NFYC: variants seen among roughly 807,000 people sequenced by gnomAD.
NFYC encodes CAAT box DNA-binding protein subunit C.
A neutral mutation model predicts 53.1 loss-of-function variants in NFYC; 25 were observed. That is an observed-to-expected ratio of 0.47 (90% CI 0.34 to 0.66). The LOEUF is 0.66. Among genes scored for constraint, NFYC ranks in the 30% least tolerant of loss-of-function variants. NFYC has a pLI of 0.01. For synonymous variants in NFYC, 145 were observed against 152.6 expected, an observed-to-expected ratio of 0.95 and a Z score of 0.37; for missense variants, 260 against 422.7, an observed-to-expected ratio of 0.62 and a Z score of 3.38.
At chr1:40,694,473 A>G (rs1643013864) in intron 1 of NFYC, among the ~76,000 whole-genome samples, 1 of 152,230 alleles carries the variant, frequency 6.6e-6, no homozygotes, top group Admixed American at 6.5e-5. Context: ...TGTGGAAGAT[A>G]GAGGCAAAGC....
At chr1:40,715,855 A>C (rs534549400) in intron 1 of NFYC, among the ~76,000 whole-genome samples, 1 of 152,254 alleles carries the variant, frequency 6.6e-6, no homozygotes, top group Non-Finnish European at 1.5e-5. Flanking sequence ...GTGGCATAAC[A>C]TTGTGACCTT....
chr1:40,737,865 T>C (rs1037949993), intron 1 of NFYC, among the ~76,000 whole-genome samples: 2 of 151,792 alleles, frequency 1.3e-5, no homozygotes, highest in Non-Finnish European at 2.9e-5. Flanking sequence ...GATCACAGTG[T>C]CTAAAACAAA....
intron 7 of NFYC, among the ~76,000 whole-genome samples, chr1:40,764,724 G>A (rs1646730423): frequency 6.6e-6 from 1 of 152,162 alleles, no homozygotes; most frequent in African/African-American, 2.4e-5. Context: ...CTTCAGGAAG[G>A]AAACTTTATT....
In NFYC at chr1:40,749,607, A is replaced by G. The variant is rs1645800529; in HGVS notation, c.212A>G (p.Lys71Arg). The change falls in exon 4 of 10, where the codon AAG becomes AGG. Residue 71 changes from lysine to arginine, a missense_variant. Physicochemically the swap from Lys to Arg is conservative, Grantham distance 26. Coordinates refer to ENST00000447388, the MANE Select transcript of NFYC (RefSeq NM_014223.5). ...ISAEAPVLFAKAAQIFITELT... is the reference protein window; with the variant it reads ...ISAEAPVLFARAAQIFITELT... Reference sequence around the variant, plus strand: ...GCAGAAGCGCCTGTACTCTTTGCCAAGGCAGCCCAGATTTTTATCACAGAG... The same window carrying G: ...GCAGAAGCGCCTGTACTCTTTGCCAGGGCAGCCCAGATTTTTATCACAGAG... 5 of 1,614,152 alleles carry G rather than the reference A, an allele frequency of 3.1e-6. No individual in the cohort carries two copies. The highest frequency in any genetic ancestry group is 4.2e-6 in the Non-Finnish European group (5 of 1,180,008).
intron 6 of NFYC, among the ~76,000 whole-genome samples, chr1:40,758,959 C>A (rs1646383059): frequency 6.6e-6 from 1 of 152,178 alleles, no homozygotes; most frequent in Admixed American, 6.5e-5. Context: ...ATTGGGGATA[C>A]AAGCATGAAT....
chr1:40,745,218 A>G (rs1645548198), intron 2 of NFYC, among the ~76,000 whole-genome samples: 1 of 152,116 alleles, frequency 6.6e-6, no homozygotes, highest in Non-Finnish European at 1.5e-5. Flanking sequence ...GGTCTTTTTT[A>G]TCAACTTTGG....
intron 1 of NFYC, among the ~76,000 whole-genome samples, chr1:40,707,383 A>G (rs1643747841): frequency 6.6e-6 from 1 of 151,218 alleles, no homozygotes; most frequent in African/African-American, 2.4e-5. Flanking sequence ...AGTCCCAGCT[A>G]CTAAGTAGAT....
At chr1:40,751,845 G>A (rs1645930577) in intron 4 of NFYC, among the ~76,000 whole-genome samples, 1 of 152,030 alleles carries the variant, frequency 6.6e-6, no homozygotes, top group Non-Finnish European at 1.5e-5. Context: ...CAAAAAATGT[G>A]ACACTATATT....
rs2148610827 is a variant in NFYC, at chr1:40,738,941, T to C, written c.98T>C (p.Leu33Ser). The change falls in exon 2 of 10, where the codon TTA (leucine) becomes TCA (serine). Residue 33 changes from leucine (L) to serine (S), a missense_variant. Transcript: ENST00000447388. ...CGGGTCATGGAAGAAATCCGGAATT[T>C]AACAGTGGTGAGGAAGAATGAGAAA... is the stretch of plus-strand genomic sequence containing the variant. ...WPRVMEEIRN[L>S]TVKDFRVQEL... is the part of the protein sequence containing the mutation. 1 of 1,609,896 alleles carries C rather than the reference T, an allele frequency of 6.2e-7. No homozygotes were observed. Among genetic ancestry groups the C allele is most frequent in the Non-Finnish European group, 8.5e-7 (1 of 1,176,066 alleles).
intron 7 of NFYC, 195 bp downstream of exon 7, chr1:40,763,241 TTGATA>T (rs1202151997): frequency 2.1e-6 from 1 of 477,254 alleles, no homozygotes; most frequent in Admixed American, 3.3e-5. Context: ...TATATATACC[TTGATA>T]TGTATATCTA....
intron 1 of NFYC, among the ~76,000 whole-genome samples, chr1:40,695,332 G>A (rs888456784): frequency 6.6e-6 from 1 of 152,172 alleles, no homozygotes; most frequent in African/African-American, 2.4e-5. Flanking sequence ...AAGGCAAAGC[G>A]AAATGAGGAT....
chr1:40,749,789 A>T (rs1161596330), intron 4 of NFYC, 103 bp downstream of exon 4: 1 of 927,498 alleles, frequency 1.1e-6, no homozygotes, highest in Non-Finnish European at 1.7e-6. Context: ...AGGACCAAAG[A>T]TTGTTCTCCT....
intron 1 of NFYC, among the ~76,000 whole-genome samples, chr1:40,707,974 C>T (rs576339584): frequency 2.0e-5 from 3 of 152,110 alleles, no homozygotes; most frequent in Non-Finnish European, 4.4e-5. Context: ...AATACATCGT[C>T]AGCCCTCTGC....
chr1:40,727,794 G>A (rs1644588392), intron 1 of NFYC, among the ~76,000 whole-genome samples: 1 of 152,046 alleles, frequency 6.6e-6, no homozygotes, highest in Admixed American at 6.6e-5. Flanking sequence ...GCCTCCCAAA[G>A]TGCTAGGATT....
At chr1:40,729,646 T>TAA (rs1644674111) in intron 1 of NFYC, among the ~76,000 whole-genome samples, 1 of 152,094 alleles carries the variant, frequency 6.6e-6, no homozygotes, top group Admixed American at 6.5e-5. Context: ...AAGTGTTTGG[T>TAA]GCAAGAGGCC....
At chr1:40,744,051 G>A (rs1256939434) in intron 2 of NFYC, among the ~76,000 whole-genome samples, 5 of 152,202 alleles carry the variant, frequency 3.3e-5, no homozygotes, top group Non-Finnish European at 5.9e-5. Flanking sequence ...TGGGTCCATG[G>A]CCTGTTAGGA....
At position 40,714,024 on chromosome 1, in the gene NFYC, T is replaced by TG. The variant is rs554397496; in HGVS notation, c.-9+22159dup. ...AGCTGAGAACCAGCTAGGAAGCTAATGGTGTTCACCTGTGAGGTATTCCAG... is the reference window on the plus strand; with the variant it reads ...AGCTGAGAACCAGCTAGGAAGCTAATGGGTGTTCACCTGTGAGGTATTCCAG... On this transcript the variant is annotated intron_variant, in intron 1 of 9. Coordinates refer to ENST00000447388, the MANE Select transcript of NFYC (RefSeq NM_014223.5). Among the ~76,000 whole-genome samples, 31 of 152,352 alleles carry TG rather than the reference T, an allele frequency of 2.0e-4. 1 individual carries two copies. The South Asian group carries it at 6.0e-3, about 29-fold the overall frequency.
rs1465551943 is a variant in NFYC at position 40,770,832 on chromosome 1, C to T, written c.*4C>T. On this transcript the variant is annotated 3_prime_UTR_variant, in exon 10 of 10. Coordinates refer to ENST00000447388, the MANE Select transcript of NFYC (RefSeq NM_014223.5). The surrounding 1 kb of genome is among the most constrained non-coding windows in gnomAD (Gnocchi z 5.3). ...CCCCCAGGTGACCGGCGACTGAGGG[C>T]CTGAGCTGGCAAGGCCAAGGACACC... 1 of 1,607,076 alleles carries T rather than the reference C, an allele frequency of 6.2e-7. No homozygotes were observed. Among genetic ancestry groups the T allele is most frequent in the Non-Finnish European group, 8.5e-7 (1 of 1,179,916 alleles).
intron 2 of NFYC, among the ~76,000 whole-genome samples, chr1:40,741,080 TAA>T (rs1439208049): frequency 6.6e-6 from 1 of 152,200 alleles, no homozygotes; most frequent in Non-Finnish European, 1.5e-5. Context: ...GTGCACTCAA[TAA>T]ACAGCCACCA....
Sources: allele counts gnomAD v4.1 joint callset (sites outside exome capture counted in the v4.1 genomes callset), GRCh38; gene constraint gnomAD v4.1.1; non-coding constraint Gnocchi (gnomAD v3.1); transcripts MANE v1.5; gene names NCBI Gene and HGNC (gene_info 2026-07-23, HGNC 2026-07-21).